TTF2: variants seen among roughly 807,000 people sequenced by gnomAD.
TTF2 encodes the protein transcription termination factor 2, also known as RNA polymerase II termination factor.
In TTF2, 108 loss-of-function variants were observed where a neutral mutation model predicts 142.4. The ratio of observed to expected loss-of-function variants is 0.76; its 90% CI spans 0.65 to 0.89. TTF2 has a LOEUF of 0.89. Ranked by LOEUF, TTF2 falls within the 40% of genes least tolerant of loss-of-function variation. The probability of loss-of-function intolerance (pLI) is 0.00; values close to 1 mark genes in which losing one functional copy is unlikely to be tolerated. For synonymous variants in TTF2, 483 were observed against 506.2 expected, an observed-to-expected ratio of 0.95 and a Z score of 0.61; for missense variants, 1,327 against 1,379.8, an observed-to-expected ratio of 0.96 and a Z score of 0.61.
At position 117,073,209 on chromosome 1, in the gene TTF2, C is replaced by T. The variant is rs1400663291; in HGVS notation, c.219-452C>T. ...ACGCCTTCTTCTGTTGTTTCTATTT[C>T]CTATAAATTGGTAATTGGATCTAGA... On this transcript the variant is annotated intron_variant, in intron 3 of 22. Transcript: ENST00000369466. This position sits in a 1 kb window ranked among gnomAD's most constrained non-coding sequence, Gnocchi z 4.4. Among the ~76,000 whole-genome samples, 1 of 152,060 alleles carries T rather than the reference C, an allele frequency of 6.6e-6. No homozygotes were observed. The highest frequency in any genetic ancestry group is 1.5e-5 in the Non-Finnish European group (1 of 68,010).
intron 15 of TTF2, among the ~76,000 whole-genome samples, 180 bp from the exon 16 acceptor site, chr1:117,091,146 TAA>T (rs1194942044): frequency 6.6e-6 from 1 of 152,168 alleles, no homozygotes; most frequent in Non-Finnish European, 1.5e-5. Flanking sequence ...TAGCTTATTT[TAA>T]AAAAAGATTG....
In TTF2 at chr1:117,075,630, C is replaced by T. The variant is rs771197393; in HGVS notation, c.1046C>T (p.Thr349Ile). The T allele has an allele frequency of 1.4e-5, 22 of 1,614,210 alleles. No homozygotes were observed. The South Asian group carries it at 2.3e-4, about 17-fold the overall frequency. ...CTGGGTGAGGGCCGTGAAGCTGCCACAAGCAGTGACGACGAGGAGGAAGAT... is the reference window on the plus strand; with the variant it reads ...CTGGGTGAGGGCCGTGAAGCTGCCATAAGCAGTGACGACGAGGAGGAAGAT... ...LSLGEGREAA[T>I]SSDDEEEDDV... The change falls in exon 5 of 23, where the codon ACA (threonine) becomes ATA (isoleucine). Residue 349 changes from threonine to isoleucine, a missense_variant. Coordinates refer to ENST00000369466, the MANE Select transcript of TTF2 (RefSeq NM_003594.4). The surrounding 1 kb of genome is among the most constrained non-coding windows in gnomAD (Gnocchi z 4.5).
At chr1:117,082,315 C>G (rs1183270566) in intron 10 of TTF2, among the ~76,000 whole-genome samples, 3 of 152,218 alleles carry the variant, frequency 2.0e-5, no homozygotes, top group African/African-American at 7.2e-5. Flanking sequence ...TTGGCTCAAG[C>G]GATCCTCCCA....
chr1:117,090,626 GTGTGTATT>G lies in TTF2; in HGVS notation c.2588+4_2588+11del. ...AATGTGTTTTTTGCAAGATCAAGGT[GTGTGTATT>G]AAAGAAGCACCTTCTCACACACATT... On this transcript the variant is annotated splice_donor_5th_base_variant and intron_variant, in intron 15 of 22. Coordinates refer to ENST00000369466, the MANE Select transcript of TTF2 (RefSeq NM_003594.4). The surrounding 1 kb of genome is among the most constrained non-coding windows in gnomAD (Gnocchi z 4.8). 2 of 1,611,968 alleles carry G rather than the reference GTGTGTATT, an allele frequency of 1.2e-6. No individual in the cohort carries two copies. Among genetic ancestry groups the G allele is most frequent in the Non-Finnish European group, 1.7e-6 (2 of 1,178,686 alleles).
At chr1:117,083,852 C>T (rs1010169642) in intron 10 of TTF2, among the ~76,000 whole-genome samples, 166 bp from the exon 11 acceptor site, 2 of 152,158 alleles carry the variant, frequency 1.3e-5, no homozygotes, top group Non-Finnish European at 2.9e-5. Flanking sequence ...CGATGACTCA[C>T]ACCTGTAATT....
chr1:117,089,415 G>A (rs1294432042), intron 13 of TTF2, among the ~76,000 whole-genome samples: 1 of 152,074 alleles, frequency 6.6e-6, no homozygotes, highest in Non-Finnish European at 1.5e-5. Flanking sequence ...TTGGCTGAGT[G>A]CAGTGGGTCA....
chr1:117,061,242 A>T (rs1429938004), intron 2 of TTF2, among the ~76,000 whole-genome samples: 1 of 151,970 alleles, frequency 6.6e-6, no homozygotes, highest in South Asian at 2.1e-4. Flanking sequence ...ATTAAAAAAA[A>T]TTGTCTAGGC....
In TTF2 at chr1:117,088,979, T is replaced by C; in HGVS notation, c.2339T>C (p.Leu780Pro). ...AACTTATTGGATATGTATTCGCTGC[T>C]GAAGTGAGTAACTTCTCGTGATTGT... is the stretch of plus-strand genomic sequence containing the variant. The part of the protein sequence containing the change: ...QNNLLDMYSL[L>P]KFLRCSPFDE... The change falls in exon 13 of 23, where the codon CTG (leucine) becomes CCG (proline). Residue 780 changes from leucine to proline, a missense_variant. Leu to Pro is a moderately conservative substitution (Grantham distance 98). Coordinates refer to ENST00000369466, the MANE Select transcript of TTF2 (RefSeq NM_003594.4). 6.2e-7 allele frequency: 1 copy of C among 1,605,282 alleles called. No individual in the cohort carries two copies. Among genetic ancestry groups the C allele is most frequent in the Non-Finnish European group, 8.5e-7 (1 of 1,176,102 alleles).
At position 117,089,260 on chromosome 1, in the gene TTF2, C is replaced by CTATATATATATA. The variant is rs10524337; in HGVS notation, c.2342+284_2342+295dup. Reference sequence around the variant, plus strand: ...TATGCAAAATATATGCAAATATATGCTATATATATATATATATGCAAAAAT... The same window carrying CTATATATATATA: ...TATGCAAAATATATGCAAATATATGCTATATATATATATATATATATATATATATGCAAAAAT... On this transcript the variant is annotated intron_variant, in intron 13 of 22. Transcript: ENST00000369466. Among the ~76,000 whole-genome samples, 709 of 137,506 alleles carry CTATATATATATA rather than the reference C, an allele frequency of 5.2e-3. 15 individuals are homozygous for CTATATATATATA. The highest frequency in any genetic ancestry group is 0.018 in the East Asian group (92 of 5,046). 90.2% of individuals were successfully genotyped at this position (137,506 alleles called of 152,430 possible). A position where few individuals can be genotyped will look rare whatever the true frequency, so the allele number is the denominator to read the frequency against.
intron 13 of TTF2, among the ~76,000 whole-genome samples, chr1:117,089,260 C>CAAA (rs1553198319): frequency 3.6e-5 from 5 of 137,534 alleles, no homozygotes; most frequent in Non-Finnish European, 6.4e-5. Flanking sequence ...CAAATATATG[C>CAAA]TATATATATA....
intron 13 of TTF2, among the ~76,000 whole-genome samples, chr1:117,089,827 G>C (rs1170039963): frequency 6.6e-6 from 1 of 152,156 alleles, no homozygotes; most frequent in African/African-American, 2.4e-5. Context: ...GACAGCGTAG[G>C]CATCGTTAAT....
In TTF2 at chr1:117,079,664, A is replaced by G. The variant is rs2801939; in HGVS notation, c.1783+15A>G. ...AGGAATTCTGGGTAAGTGTGGTATT[A>G]TAAGAGTCAGCCTTTATTGAATGCT... On this transcript the variant is annotated intron_variant, in intron 9 of 22. Transcript: ENST00000369466. The surrounding 1 kb of genome is among the most constrained non-coding windows in gnomAD (Gnocchi z 4.2). The G allele has an allele frequency of 0.65, 1,056,137 of 1,612,444 alleles. 354,532 individuals are homozygous for G. Among genetic ancestry groups the G allele is most frequent in the East Asian group, 0.72 (32,505 of 44,876 alleles).
intron 3 of TTF2, among the ~76,000 whole-genome samples, chr1:117,068,661 G>A (rs1054713175): frequency 2.0e-5 from 3 of 151,978 alleles, no homozygotes; most frequent in South Asian, 2.1e-4. Flanking sequence ...AAAACTCCTC[G>A]TGTTGTTGGC....
At position 117,085,184 on chromosome 1, in the gene TTF2, T is replaced by C. The variant is rs1460499408; in HGVS notation, c.2054+1016T>C. ...AATCATTCTGAATTATACTTCTTTA[T>C]ATGATAGTAGGGTAACTTGTAGACA... On this transcript the variant is annotated intron_variant, in intron 11 of 22. Transcript: ENST00000369466. This position sits in a 1 kb window ranked among gnomAD's most constrained non-coding sequence, Gnocchi z 4.7. Among the ~76,000 whole-genome samples, 2 of 152,238 alleles carry C rather than the reference T, an allele frequency of 1.3e-5. No individual in the cohort carries two copies. The highest frequency in any genetic ancestry group is 3.8e-4 in the East Asian group (2 of 5,208).
rs772417520 is a variant in TTF2, at chr1:117,096,271, A to C, written c.3158A>C (p.Glu1053Ala). The change falls in exon 20 of 23, where the codon GAG (glutamate) becomes GCG (alanine). Residue 1053 changes from glutamate to alanine, a missense_variant. Transcript: ENST00000369466. ...VNPKQRMDLV[E>A]AFNHSRGPQV... Reference sequence around the variant, plus strand: ...CCCAAGCAGAGAATGGACTTGGTAGAGGCATTTAACCACTCCAGAGGCCCT... The same window carrying C: ...CCCAAGCAGAGAATGGACTTGGTAGCGGCATTTAACCACTCCAGAGGCCCT... The C allele has an allele frequency of 6.2e-7, 1 of 1,614,164 alleles. No individual in the cohort carries two copies. Among genetic ancestry groups the C allele is most frequent in the Admixed American group, 1.7e-5 (1 of 60,012 alleles).
Position 117,070,397 on chromosome 1 carries a change from T to A in TTF2, c.219-3264T>A, listed in dbSNP as rs2101363450. Among the ~76,000 whole-genome samples the A allele has an allele frequency of 6.6e-6, 1 of 152,332 alleles. No individual in the cohort carries two copies. The highest frequency in any genetic ancestry group is 6.5e-5 in the Admixed American group (1 of 15,298). ...GTTACTTTACTGAATACTGCAGGCA[T>A]TTGTAACACAGTGCTAAGTATTTGT... On this transcript the variant is annotated intron_variant, in intron 3 of 22. Coordinates refer to ENST00000369466, the MANE Select transcript of TTF2 (RefSeq NM_003594.4). The surrounding 1 kb of genome is among the most constrained non-coding windows in gnomAD (Gnocchi z 4.2).
At chr1:117,067,189 C>A (rs1656207531) in intron 3 of TTF2, among the ~76,000 whole-genome samples, 1 of 152,088 alleles carries the variant, frequency 6.6e-6, no homozygotes, top group African/African-American at 2.4e-5. Flanking sequence ...TTTCTCTTAG[C>A]CTAAATTCAG....
In TTF2 at chr1:117,079,538, T is replaced by A. The variant is rs2101050901; in HGVS notation, c.1702-30T>A. ...GGCATAGCCTCTCATTAGGAATTTA[T>A]GCTTAGCATTTGGTTATTACCTTTG... On this transcript the variant is annotated intron_variant, in intron 8 of 22. Transcript: ENST00000369466. The surrounding 1 kb of genome is among the most constrained non-coding windows in gnomAD (Gnocchi z 4.2). 1 of 1,610,540 alleles carries A rather than the reference T, an allele frequency of 6.2e-7. No individual in the cohort carries two copies. Among genetic ancestry groups the A allele is most frequent in the Middle Eastern group, 1.7e-4 (1 of 6,056 alleles).
Position 117,075,068 on chromosome 1 carries a change from C to T in TTF2, c.484C>T (p.Leu162Phe). ...GAAGCAAAGAGAAAAGGGAGATCAGCTTTTCGATCAAAAGAAAGAACAGAA... is the reference window on the plus strand; with the variant it reads ...GAAGCAAAGAGAAAAGGGAGATCAGTTTTTCGATCAAAAGAAAGAACAGAA... ...DKKQREKGDQ[L>F]FDQKKEQKPE... Residue 162 changes from leucine (L) to phenylalanine (F), a missense_variant, in exon 5 of 23, where the codon CTT becomes TTT. By Grantham distance (22) the Leu-to-Phe change is conservative. Transcript: ENST00000369466. This position sits in a 1 kb window ranked among gnomAD's most constrained non-coding sequence, Gnocchi z 4.5. 1 of 1,613,960 alleles carries T rather than the reference C, an allele frequency of 6.2e-7. No homozygotes were observed. The highest frequency in any genetic ancestry group is 8.5e-7 in the Non-Finnish European group (1 of 1,179,982).
Sources: gnomAD v4.1 joint callset for allele counts (sites outside exome capture counted in the v4.1 genomes callset) on GRCh38, gnomAD v4.1.1 for gene constraint, Gnocchi (gnomAD v3.1) non-coding constraint, MANE v1.5 for transcripts, NCBI Gene and HGNC (gene_info 2026-07-23, HGNC 2026-07-21) for gene names.